UNC13C: variants seen among roughly 807,000 people sequenced by gnomAD.
UNC13C encodes the protein unc-13 homolog C, also known as protein unc-13 homolog C.
In UNC13C, 174 loss-of-function variants were observed where a neutral mutation model predicts 245.4. That is an observed-to-expected ratio of 0.71 (90% CI 0.63 to 0.80). UNC13C has a LOEUF of 0.80. UNC13C is among the 30% of genes least tolerant of loss of function. The pLI is 0.00. For missense variants in UNC13C, 2,829 were observed against 2,602.9 expected (o/e 1.09, Z -1.89); for synonymous variants, 992 against 895.1 (o/e 1.11, Z -1.93).
intron 2 of UNC13C, among the ~76,000 whole-genome samples, chr15:54,129,127 T>G (rs2031250504): frequency 6.6e-6 from 1 of 152,198 alleles, no homozygotes; most frequent in Admixed American, 6.5e-5. Flanking sequence ...AATTGTTAGT[T>G]GCGTTTAGTG....
chr15:54,627,223 T>C lies in UNC13C; in HGVS notation c.*110T>C. On this transcript the variant is annotated 3_prime_UTR_variant, in exon 33 of 33. Coordinates refer to ENST00000260323, the MANE Select transcript of UNC13C (RefSeq NM_001080534.3). Reference sequence around the variant, plus strand: ...ACATTTCAATGTTTGCCAGTACTCATGTACGATGTCTACAAGGTATGTAAA... The same window carrying C: ...ACATTTCAATGTTTGCCAGTACTCACGTACGATGTCTACAAGGTATGTAAA... 1 of 1,133,188 alleles carries C rather than the reference T, an allele frequency of 8.8e-7. No homozygotes were observed. The highest frequency in any genetic ancestry group is 1.2e-6 in the Non-Finnish European group (1 of 819,740). 70.2% of individuals were successfully genotyped at this position (1,133,188 alleles called of 1,614,324 possible).
chr15:54,182,921 G>A (rs2033849323), intron 4 of UNC13C, among the ~76,000 whole-genome samples: 1 of 151,874 alleles, frequency 6.6e-6, no homozygotes, highest in Non-Finnish European at 1.5e-5. Context: ...AACAGTAATG[G>A]CATAAAGTAT....
At position 54,485,396 on chromosome 15, in the gene UNC13C, T is replaced by C. The variant is rs142459778; in HGVS notation, c.4934-9212T>C. ...AGGAAAGAGGTGAGAGGTAAGGCTA[T>C]GTAGTGGAAAGACACAGAACCAAGA... On this transcript the variant is annotated intron_variant, in intron 19 of 32. Transcript: ENST00000260323. Among the ~76,000 whole-genome samples, 532 of 152,306 alleles carry C rather than the reference T, an allele frequency of 3.5e-3. 3 individuals carry two copies. Among genetic ancestry groups the C allele is most frequent in the African/African-American group, 0.012 (507 of 41,570 alleles).
chr15:54,458,290 G>T (rs560587406), intron 19 of UNC13C, among the ~76,000 whole-genome samples: 1 of 152,150 alleles, frequency 6.6e-6, no homozygotes, highest in Non-Finnish European at 1.5e-5. Context: ...ATTGAGACTT[G>T]TTTTGTGGCC....
intron 14 of UNC13C, among the ~76,000 whole-genome samples, chr15:54,331,047 C>T (rs979770124): frequency 3.9e-5 from 6 of 152,012 alleles, no homozygotes; most frequent in East Asian, 3.9e-4. Flanking sequence ...CTCACTCCAT[C>T]GAGATCAGTG....
chr15:54,031,793 G>C (rs979232329), intron 2 of UNC13C, among the ~76,000 whole-genome samples: 6 of 152,106 alleles, frequency 3.9e-5, no homozygotes, highest in Non-Finnish European at 7.4e-5. Flanking sequence ...CTTTGATATG[G>C]CTGCATAAAA....
At chr15:54,394,407 C>T (rs2040028203) in intron 18 of UNC13C, among the ~76,000 whole-genome samples, 1 of 151,796 alleles carries the variant, frequency 6.6e-6, no homozygotes, top group African/African-American at 2.4e-5. Flanking sequence ...ACAGACTTTG[C>T]TCTTCTATTC....
the UNC13C span, among the ~76,000 whole-genome samples, chr15:53,908,307 GGAATA>G: frequency 6.9e-6 from 1 of 145,840 alleles, no homozygotes; most frequent in African/African-American, 2.5e-5. Flanking sequence ...AAAGACTTAG[GGAATA>G]CTGTAAAGTT....
chr15:54,100,527 C>G (rs1348427920), intron 2 of UNC13C, among the ~76,000 whole-genome samples: 1 of 152,164 alleles, frequency 6.6e-6, no homozygotes, highest in Non-Finnish European at 1.5e-5. Flanking sequence ...CATTTACACT[C>G]TCTATGTGAT....
In UNC13C at chr15:54,626,849, A is replaced by T. The variant is rs1520411; in HGVS notation, c.6381A>T (p.Arg2127=). ...ACAGCATTCTCGGAAAGGAAAATCG[A>T]CCAGGGGCTTATGAACTTCATCTCT... The part of the protein sequence containing the change: ...TFQFILGKEN[R]PGAYELHLSV... Residue 2127 remains arginine, a synonymous_variant, in exon 33 of 33, where the codon CGA becomes CGT. Coordinates refer to ENST00000260323, the MANE Select transcript of UNC13C (RefSeq NM_001080534.3). 3.7e-6 allele frequency: 6 copies of T among 1,611,936 alleles called. No individual in the cohort carries two copies. The highest frequency in any genetic ancestry group is 5.1e-6 in the Non-Finnish European group (6 of 1,178,830).
intron 17 of UNC13C, among the ~76,000 whole-genome samples, chr15:54,376,463 A>T (rs2039609186): frequency 6.6e-6 from 1 of 152,232 alleles, no homozygotes; most frequent in African/African-American, 2.4e-5. Context: ...GTTATTACAG[A>T]TAAAACTAGC....
rs117869277 is a variant in UNC13C at position 54,556,012 on chromosome 15, G to A, written c.5958+500G>A. Among the ~76,000 whole-genome samples, 26 of 152,120 alleles carry A rather than the reference G, an allele frequency of 1.7e-4. No homozygotes were observed. In the East Asian group the frequency reaches 2.1e-3, roughly 12 times the overall value. ...TTTCTGCTGAATACCCAAAGATGTCGTTTGTACGCATCAGCTGTTTTCATA... is the reference window on the plus strand; with the variant it reads ...TTTCTGCTGAATACCCAAAGATGTCATTTGTACGCATCAGCTGTTTTCATA... On this transcript the variant is annotated intron_variant, in intron 29 of 32. Coordinates refer to ENST00000260323, the MANE Select transcript of UNC13C (RefSeq NM_001080534.3).
chr15:54,109,734 C>A (rs879030961), intron 2 of UNC13C, among the ~76,000 whole-genome samples: 1 of 152,172 alleles, frequency 6.6e-6, no homozygotes, highest in Non-Finnish European at 1.5e-5. Context: ...CATGGTAATC[C>A]GGTAATCCTT....
At chr15:53,954,519 A>G in the UNC13C span, among the ~76,000 whole-genome samples, 1 of 152,212 alleles carries the variant, frequency 6.6e-6, no homozygotes. Flanking sequence ...CTAACCCCAA[A>G]GCTATCATCC....
Position 54,294,051 on chromosome 15 carries a change from C to T in UNC13C, c.3975C>T (p.Val1325=). 1 of 1,547,824 alleles carries T rather than the reference C, an allele frequency of 6.5e-7. No homozygotes were observed. Among genetic ancestry groups the T allele is most frequent in the African/African-American group, 1.4e-5 (1 of 70,768 alleles). The change falls in exon 11 of 33, where the codon GTC becomes GTT. Residue 1325 remains valine (V), a synonymous_variant. Transcript: ENST00000260323. ...GGACCTTGAGTGGAGAAATGGATGT[C>T]TGGTACAACTTAGGTGATTTTTTTT... ...EVRTLSGEMD[V]WYNLEKRTDK...
the UNC13C span, among the ~76,000 whole-genome samples, chr15:53,851,361 A>C: frequency 6.6e-6 from 1 of 152,200 alleles, no homozygotes; most frequent in Non-Finnish European, 1.5e-5. Context: ...AAGCCCCTTC[A>C]GGTTAAAAGT....
chr15:54,381,393 G>GC lies in UNC13C; in HGVS notation c.4714-11654dup, dbSNP rs561324077. ...GAAGTCAGGTAGTGTGATGCCTCCA[G>GC]CTTTTTTTTCTTTTTTTACACAAAA... On this transcript the variant is annotated intron_variant, in intron 17 of 32. Coordinates refer to ENST00000260323, the MANE Select transcript of UNC13C (RefSeq NM_001080534.3). Among the ~76,000 whole-genome samples, 348 of 152,080 alleles carry GC rather than the reference G, an allele frequency of 2.3e-3. 1 individual carries two copies. Among genetic ancestry groups the GC allele is most frequent in the African/African-American group, 8.0e-3 (331 of 41,516 alleles).
the UNC13C span, among the ~76,000 whole-genome samples, chr15:53,878,194 T>C: frequency 6.6e-6 from 1 of 152,130 alleles, no homozygotes; most frequent in African/African-American, 2.4e-5. Flanking sequence ...AAATGGATGA[T>C]AACTGAAATT....
intron 2 of UNC13C, among the ~76,000 whole-genome samples, chr15:54,091,654 C>G (rs904503755): frequency 2.6e-5 from 4 of 151,764 alleles, no homozygotes; most frequent in African/African-American, 9.7e-5. Context: ...ATTGTATTTT[C>G]TAACAGGATA....
Sources: gnomAD v4.1 joint callset for allele counts (sites outside exome capture counted in the v4.1 genomes callset) on GRCh38, gnomAD v4.1.1 for gene constraint, MANE v1.5 for transcripts, NCBI Gene and HGNC (gene_info 2026-07-23, HGNC 2026-07-21) for gene names.